The following ZDHHC1 variants were observed in gnomAD, a reference collection of about 807,000 sequenced individuals.
ZDHHC1 encodes zDHHC palmitoyltransferase 1.
A neutral mutation model predicts 46.9 loss-of-function variants in ZDHHC1; 45 were observed. The observed-to-expected ratio is 0.96, with a 90% CI of 0.76 to 1.23. The LOEUF is 1.23. Ranked by LOEUF, ZDHHC1 falls within the 50% of genes most tolerant of loss-of-function variation. ZDHHC1 has a pLI of 0.00. For missense variants in ZDHHC1, 649 were observed against 670.8 expected, an observed-to-expected ratio of 0.97 and a Z score of 0.36; for synonymous variants, 291 against 286.0, an observed-to-expected ratio of 1.02 and a Z score of -0.18.
Position 67,416,419 on chromosome 16 carries a change from CCAG to C in ZDHHC1, c.-290_-288del. The C allele has an allele frequency of 4.7e-6, 1 of 210,714 alleles. No homozygotes were observed. Among genetic ancestry groups the C allele is most frequent in the Admixed American group, 5.8e-5 (1 of 17,204 alleles). 13.1% of individuals were successfully genotyped at this position (210,714 alleles called of 1,614,324 possible). The stretch of plus-strand genomic sequence containing the variant: ...TCCGGCTCCGGCTCCGGCTCCGGCT[CCAG>C]CAGGCTGGAGGGGCGGCCAGGCCAG... On this transcript the variant is annotated 5_prime_UTR_variant, in exon 1 of 12. Coordinates refer to ENST00000565726, the MANE Select transcript of ZDHHC1 (RefSeq NM_001323627.2).
chr16:67,395,741 C>A, intron 8 of ZDHHC1, 175 bp from the exon 9 acceptor site: 1 of 645,360 alleles, frequency 1.5e-6, no homozygotes, highest in Non-Finnish European at 2.7e-6. Context: ...TTAAAACACC[C>A]ATTTCTGGCC....
chr16:67,397,595 C>A (rs1349748157), intron 8 of ZDHHC1, among the ~76,000 whole-genome samples: 2 of 152,206 alleles, frequency 1.3e-5, no homozygotes, highest in Non-Finnish European at 2.9e-5. Flanking sequence ...CCTGCCCGGG[C>A]CCCGCCTTCC....
chr16:67,404,342 G>A (rs1237766319), intron 3 of ZDHHC1: 3 of 203,646 alleles, frequency 1.5e-5, no homozygotes, highest in Admixed American at 5.1e-5. Context: ...ACCACGTGGC[G>A]TGCACCAGCC....
In ZDHHC1 at chr16:67,401,828, A is replaced by G. The variant is rs2040558185; in HGVS notation, c.253-696T>C. 6.6e-6 allele frequency among the ~76,000 whole-genome samples: 1 copy of G among 152,310 alleles called. No individual in the cohort carries two copies. The highest frequency in any genetic ancestry group is 1.9e-4 in the East Asian group (1 of 5,178). On this transcript the variant is annotated intron_variant, in intron 3 of 11. Transcript: ENST00000565726. The surrounding 1 kb of genome is among the most constrained non-coding windows in gnomAD (Gnocchi z 4.6). ...ATGACTGGGCCAAATGCAGGAGACA[A>G]GTTTGCTGACAATTTGCTACAAAGT...
At chr16:67,399,276 C>A in intron 5 of ZDHHC1, 79 bp downstream of exon 5, 1 of 1,317,970 alleles carries the variant, frequency 7.6e-7, no homozygotes. Context: ...CGCCCGCCTG[C>A]CATGCGAGCT....
In ZDHHC1 at chr16:67,405,518, T is replaced by C. The variant is rs1359213128; in HGVS notation, c.252+682A>G. Among the ~76,000 whole-genome samples, 4 of 152,208 alleles carry C rather than the reference T, an allele frequency of 2.6e-5. No homozygotes were observed. In the East Asian group the frequency reaches 7.7e-4, roughly 29 times the overall value. ...CTCTGGAAAGGAGCACAGAGATGCC[T>C]GCTTCACTGCAACCCCTGGCCTTGC... is the stretch of plus-strand genomic sequence containing the variant. On this transcript the variant is annotated intron_variant, in intron 3 of 11. Transcript: ENST00000565726.
intron 3 of ZDHHC1, chr16:67,404,583 G>T: frequency 2.3e-6 from 1 of 430,198 alleles, no homozygotes; most frequent in Admixed American, 2.5e-5. Flanking sequence ...CAAAGCAGAC[G>T]AACCCTGAAT....
intron 7 of ZDHHC1, 28 bp downstream of exon 7, chr16:67,398,545 C>T: frequency 1.3e-6 from 2 of 1,575,988 alleles, no homozygotes; most frequent in Non-Finnish European, 1.7e-6. Context: ...CCCCTGCGTT[C>T]CAGAAGGCAG....
chr16:67,399,059 C>T (rs2040493483), intron 5 of ZDHHC1, 115 bp from the exon 6 acceptor site: 4 of 1,396,852 alleles, frequency 2.9e-6, no homozygotes, highest in Admixed American at 5.6e-5. Context: ...GGTGACCCCA[C>T]AGCCCCAACT....
At position 67,416,221 on chromosome 16, in the gene ZDHHC1, G is replaced by A. The variant is rs971859462; in HGVS notation, c.-89C>T. Reference sequence around the variant, plus strand: ...ATGGGCCCTGCCAAAGTCAGCCAGAGGTTCGGGCCCCACGCCTGGCCTTCC... The same window carrying A: ...ATGGGCCCTGCCAAAGTCAGCCAGAAGTTCGGGCCCCACGCCTGGCCTTCC... On this transcript the variant is annotated 5_prime_UTR_variant, in exon 1 of 12. Coordinates refer to ENST00000565726, the MANE Select transcript of ZDHHC1 (RefSeq NM_001323627.2). 6.5e-6 allele frequency: 1 copy of A among 153,246 alleles called. No individual in the cohort carries two copies. Among genetic ancestry groups the A allele is most frequent in the African/African-American group, 2.4e-5 (1 of 41,412 alleles). The allele number at this position is 153,246 out of a possible 1,614,324, so 9.5% of individuals were successfully genotyped here. A position where few individuals can be genotyped will look rare whatever the true frequency, so the allele number is the denominator to read the frequency against.
chr16:67,406,311 G>A lies in ZDHHC1; in HGVS notation c.141C>T (p.Pro47=). Residue 47 remains proline, a synonymous_variant, in exon 3 of 12, where the codon CCC becomes CCT. Transcript: ENST00000565726. This position sits in a 1 kb window ranked among gnomAD's most constrained non-coding sequence, Gnocchi z 4.1. ...QRSRRNGWSW[P]PHPLQIVAWL... ...AGGCCACAATCTGGAGCGGGTGAGG[G>A]GGCCAGCTCCACCCATTCCGGCGGG... The A allele has an allele frequency of 6.2e-7, 1 of 1,606,792 alleles. No homozygotes were observed. Among genetic ancestry groups the A allele is most frequent in the African/African-American group, 1.3e-5 (1 of 74,982 alleles).
intron 5 of ZDHHC1, 104 bp from the exon 6 acceptor site, chr16:67,399,048 G>C (rs943929966): frequency 9.7e-6 from 14 of 1,449,410 alleles, no homozygotes; most frequent in Non-Finnish European, 1.3e-5. Context: ...AGAGGGCTGA[G>C]GGTGACCCCA....
In ZDHHC1 at chr16:67,398,877, C is replaced by A. The variant is rs768201787; in HGVS notation, c.598G>T (p.Val200Phe). The stretch of plus-strand genomic sequence containing the variant: ...GGGTTGACAAAGAACTCCACGAAGA[C>A]ATATGTGGCCACCAGCACCAGGAGC... Reference protein sequence around the residue: ...VLLLVLVATYVFVEFFVNPMR... With the variant: ...VLLLVLVATYFFVEFFVNPMR... Residue 200 changes from valine (V) to phenylalanine (F), a missense_variant, in exon 6 of 12, where the codon GTC becomes TTC. Val to Phe is a conservative substitution (Grantham distance 50). Transcript: ENST00000565726. 6.2e-7 allele frequency: 1 copy of A among 1,613,196 alleles called. No homozygotes were observed. Among genetic ancestry groups the A allele is most frequent in the African/African-American group, 1.3e-5 (1 of 74,918 alleles).
intron 8 of ZDHHC1, 107 bp downstream of exon 8, chr16:67,398,105 C>T (rs931440221): frequency 1.1e-5 from 12 of 1,090,438 alleles, no homozygotes; most frequent in Admixed American, 2.0e-5. Flanking sequence ...CTGCCCCCAG[C>T]GGCTGTTCCA....
intron 4 of ZDHHC1, among the ~76,000 whole-genome samples, chr16:67,399,922 C>T (rs1207200450): frequency 1.3e-5 from 2 of 152,212 alleles, no homozygotes; most frequent in Non-Finnish European, 2.9e-5. Flanking sequence ...GGCATTTTTC[C>T]AGAAACTTCA....
intron 8 of ZDHHC1, 167 bp from the exon 9 acceptor site, chr16:67,395,733 A>G: frequency 1.5e-6 from 1 of 672,166 alleles, no homozygotes; most frequent in East Asian, 2.7e-5. Context: ...GGTAAGGCTT[A>G]AAACACCCAT....
Position 67,394,892 on chromosome 16 carries a change from C to T in ZDHHC1, c.1167G>A (p.Gly389=). 1.3e-6 allele frequency: 2 copies of T among 1,561,022 alleles called. No homozygotes were observed. The highest frequency in any genetic ancestry group is 1.7e-6 in the Non-Finnish European group (2 of 1,155,754). The change falls in exon 12 of 12, where the codon GGG becomes GGA. Residue 389 remains glycine, a splice_region_variant and synonymous_variant. Transcript: ENST00000565726. ...TGGAGCGGCGGCTGGGGGCCCTAGGCCCTGCGCAAGGGAAGGGAACATGAG... is the reference window on the plus strand; with the variant it reads ...TGGAGCGGCGGCTGGGGGCCCTAGGTCCTGCGCAAGGGAAGGGAACATGAG... The part of the protein sequence containing the change: ...RTSETSDPAS[G]PRAPSRRSSS...
intron 8 of ZDHHC1, among the ~76,000 whole-genome samples, chr16:67,397,667 G>C (rs924363194): frequency 6.6e-6 from 1 of 152,196 alleles, no homozygotes; most frequent in Non-Finnish European, 1.5e-5. Flanking sequence ...ACCTCAGGAA[G>C]CCATGGGGCG....
At chr16:67,410,235 C>G (rs1048479260) in intron 1 of ZDHHC1, among the ~76,000 whole-genome samples, 6 of 152,104 alleles carry the variant, frequency 3.9e-5, no homozygotes, top group Non-Finnish European at 1.5e-5. Flanking sequence ...AGTGGCCCAG[C>G]AGGGAGCCCA....
Sources: allele counts gnomAD v4.1 joint callset (sites outside exome capture counted in the v4.1 genomes callset), GRCh38; gene constraint gnomAD v4.1.1; non-coding constraint Gnocchi (gnomAD v3.1); transcripts MANE v1.5; gene names NCBI Gene and HGNC (gene_info 2026-07-23, HGNC 2026-07-21).